The following PPHLN1 variants were observed in gnomAD, a reference collection of about 807,000 sequenced individuals.
PPHLN1 encodes the protein periphilin 1.
PPHLN1 carries 29 observed loss-of-function variants against 51.3 expected under a neutral mutation model. The observed-to-expected ratio is 0.57, with a 90% CI of 0.42 to 0.77. The LOEUF is 0.77. Among genes scored for constraint, PPHLN1 ranks in the 30% least tolerant of loss-of-function variants. The pLI is 0.00. For missense variants in PPHLN1, 436 were observed against 438.4 expected (o/e 0.99, Z 0.05); for synonymous variants, 147 against 147.8 (o/e 0.99, Z 0.04).
chr12:42,326,819 A>G (rs911904214), intron 1 of PPHLN1, among the ~76,000 whole-genome samples: 39 of 152,180 alleles, frequency 2.6e-4, no homozygotes, highest in African/African-American at 9.2e-4. Flanking sequence ...ACGTAATGCA[A>G]GGTAATTTAT....
chr12:42,398,599 C>T (rs1477900293), intron 8 of PPHLN1: 4 of 299,006 alleles, frequency 1.3e-5, no homozygotes, highest in Non-Finnish European at 2.5e-5. Context: ...AGAAGATTAG[C>T]GTGGCCCCTG....
intron 9 of PPHLN1, 27 bp downstream of exon 9, chr12:42,399,021 A>G: frequency 2.5e-6 from 4 of 1,607,732 alleles, no homozygotes; most frequent in Non-Finnish European, 3.4e-6. Flanking sequence ...CTTCATGTAC[A>G]TAATTTTTGT....
At chr12:42,391,153 G>T (rs2077671256) in intron 7 of PPHLN1, among the ~76,000 whole-genome samples, 1 of 152,146 alleles carries the variant, frequency 6.6e-6, no homozygotes, top group Non-Finnish European at 1.5e-5. Flanking sequence ...CATATGTTGG[G>T]ATACTTTTTC....
intron 9 of PPHLN1, among the ~76,000 whole-genome samples, chr12:42,420,035 C>T (rs1477455305): frequency 1.3e-5 from 2 of 152,172 alleles, no homozygotes; most frequent in African/African-American, 4.8e-5. Context: ...ATTTAATTAA[C>T]ATGACTTCTT....
intron 9 of PPHLN1, among the ~76,000 whole-genome samples, chr12:42,415,989 T>A (rs1170837193): frequency 6.6e-6 from 1 of 152,178 alleles, no homozygotes. Flanking sequence ...GAAGTGACAT[T>A]TGATCAGACT....
downstream of PPHLN1, chr12:42,446,541 G>A (rs758902311): frequency 1.3e-6 from 2 of 1,596,930 alleles, no homozygotes; most frequent in African/African-American, 1.3e-5. Flanking sequence ...AGTTAGAAAA[G>A]AATATTACTA....
At chr12:42,352,856 A>AG (rs1363981535) in intron 3 of PPHLN1, among the ~76,000 whole-genome samples, 1 of 151,718 alleles carries the variant, frequency 6.6e-6, no homozygotes, top group Non-Finnish European at 1.5e-5. Context: ...TGGGAGGCTT[A>AG]GGTAGGTGGA....
At position 42,387,507 on chromosome 12, in the gene PPHLN1, C is replaced by T; in HGVS notation, c.620C>T (p.Ser207Leu). 3 of 1,613,482 alleles carry T rather than the reference C, an allele frequency of 1.9e-6. No homozygotes were observed. The highest frequency in any genetic ancestry group is 1.7e-6 in the Non-Finnish European group (2 of 1,179,760). ...SLKTSRDTSP[S>L]SGSAVSSSKV... The stretch of plus-strand genomic sequence containing the variant: ...AAAACATCAAGAGATACTTCACCCT[C>T]AAGTGGTTCAGCAGTTTCTTCATCA... Residue 207 changes from serine (S) to leucine (L), a missense_variant, in exon 7 of 10, where the codon TCA (serine) becomes TTA (leucine). Coordinates refer to ENST00000358314, the MANE Select transcript of PPHLN1 (RefSeq NM_201439.2).
chr12:42,376,327 A>G (rs924459972), intron 5 of PPHLN1, among the ~76,000 whole-genome samples: 11 of 152,236 alleles, frequency 7.2e-5, no homozygotes, highest in African/African-American at 2.4e-4. Flanking sequence ...ATTTGGAGTC[A>G]TCAGATTGTC....
rs574007568 is a variant in PPHLN1, at chr12:42,435,076, T to G, written c.910-6239T>G. Among the ~76,000 whole-genome samples, 3 of 152,378 alleles carry G rather than the reference T, an allele frequency of 2.0e-5. No individual in the cohort carries two copies. In the South Asian group the frequency reaches 6.2e-4, roughly 32 times the overall value. On this transcript the variant is annotated intron_variant, in intron 9 of 9. Transcript: ENST00000358314. ...AATGATTACATTATTTGGAATTATT[T>G]CTTTTTTATATGTGGAATTATTTCT... is the stretch of plus-strand genomic sequence containing the variant.
chr12:42,369,603 G>A (rs987096971), intron 4 of PPHLN1, among the ~76,000 whole-genome samples: 5 of 152,214 alleles, frequency 3.3e-5, no homozygotes, highest in African/African-American at 1.2e-4. Flanking sequence ...CTGTGAAGTA[G>A]GTATTATTAT....
At chr12:42,448,252 T>C (rs2083383928), downstream of PPHLN1, 1 of 152,614 alleles carries the variant, frequency 6.6e-6, no homozygotes, top group Non-Finnish European at 1.5e-5. Context: ...GTACAACAAA[T>C]AATTTCTTTT....
At chr12:42,340,382 A>T (rs1240436902) in intron 2 of PPHLN1, among the ~76,000 whole-genome samples, 1 of 152,174 alleles carries the variant, frequency 6.6e-6, no homozygotes, top group Non-Finnish European at 1.5e-5. Flanking sequence ...CCATATTAGC[A>T]TATCATATTG....
intron 4 of PPHLN1, among the ~76,000 whole-genome samples, chr12:42,373,939 GT>G (rs1479773365): frequency 1.3e-5 from 2 of 152,120 alleles, no homozygotes; most frequent in African/African-American, 2.4e-5. Context: ...GGACTGAAGA[GT>G]TTTTTGGTGT....
At chr12:42,432,036 AC>A in intron 9 of PPHLN1, 1 of 1,549,952 alleles carries the variant, frequency 6.5e-7, no homozygotes, top group Non-Finnish European at 8.9e-7. Flanking sequence ...ATCTTTGGGC[AC>A]AGAACTGATG....
intron 4 of PPHLN1, among the ~76,000 whole-genome samples, chr12:42,357,248 T>G (rs1276875200): frequency 9.4e-6 from 1 of 106,728 alleles, no homozygotes; most frequent in Non-Finnish European, 2.0e-5. Context: ...GATCAAAATT[T>G]TTTTTATTTT....
chr12:42,405,590 GT>G (rs2079217789), intron 9 of PPHLN1, among the ~76,000 whole-genome samples: 1 of 150,926 alleles, frequency 6.6e-6, no homozygotes, highest in Admixed American at 6.6e-5. Context: ...CATTTTTTAT[GT>G]TTTTGGGGTT....
intron 9 of PPHLN1, among the ~76,000 whole-genome samples, chr12:42,434,651 G>T (rs1215397881): frequency 6.6e-6 from 1 of 152,048 alleles, no homozygotes; most frequent in African/African-American, 2.4e-5. Context: ...ATGAGTGAGG[G>T]TACAGTAGGA....
chr12:42,420,661 TCCCTCCCGCCCTC>T (rs1375065947), intron 9 of PPHLN1, among the ~76,000 whole-genome samples: 10 of 61,142 alleles, frequency 1.6e-4, no homozygotes, highest in African/African-American at 7.2e-4. Context: ...CTTCCCTCCT[TCCCTCCCGCCCTC>T]CCCTCCCCTC....
Sources: gnomAD v4.1 joint callset for allele counts (sites outside exome capture counted in the v4.1 genomes callset) on GRCh38, gnomAD v4.1.1 for gene constraint, MANE v1.5 for transcripts, NCBI Gene and HGNC (gene_info 2026-07-23, HGNC 2026-07-21) for gene names.